Variants in FYN observed in about 807,000 individuals in gnomAD.
FYN encodes the protein tyrosine-protein kinase Fyn.
FYN carries 10 observed loss-of-function variants against 70.2 expected under a neutral mutation model. The ratio of observed to expected loss-of-function variants is 0.14; its 90% confidence interval spans 0.09 to 0.24. The LOEUF is 0.24. Among genes scored for constraint, FYN ranks in the 10% least tolerant of loss-of-function variants. The pLI, the probability that FYN is intolerant of heterozygous loss-of-function variation, is 1.00. For synonymous variants in FYN, 236 were observed against 248.6 expected (o/e 0.95, Z 0.48); for missense variants, 319 against 673.1 (o/e 0.47, Z 5.82).
At chr6:111,773,636 G>GGAGGGAGA (rs1803588916) in intron 3 of FYN, among the ~76,000 whole-genome samples, 1 of 89,488 alleles carries the variant, frequency 1.1e-5, no homozygotes, top group Non-Finnish European at 2.3e-5. Flanking sequence ...AAGGAGAGGG[G>GGAGGGAGA]GAGGGGGAGG....
chr6:111,699,467 T>G, intron 9 of FYN: 2 of 1,581,852 alleles, frequency 1.3e-6, no homozygotes, highest in Non-Finnish European at 1.7e-6. Flanking sequence ...ACCATCCTTT[T>G]AATCGGCTTT....
chr6:111,781,992 G>A (rs944706651), intron 2 of FYN, among the ~76,000 whole-genome samples: 17 of 151,990 alleles, frequency 1.1e-4, no homozygotes, highest in African/African-American at 3.6e-4. Context: ...ATAATATTAG[G>A]AAATGTACGA....
chr6:111,675,546 C>T (rs868746632), intron 12 of FYN, among the ~76,000 whole-genome samples: 8 of 152,228 alleles, frequency 5.3e-5, no homozygotes, highest in Middle Eastern at 3.4e-3. Flanking sequence ...GTAATCCCAG[C>T]ACCTTACAAG....
chr6:111,719,677 G>A, intron 4 of FYN, 128 bp downstream of exon 4: 2 of 1,043,132 alleles, frequency 1.9e-6, no homozygotes, highest in Non-Finnish European at 2.8e-6. Context: ...TCTAGTAGAG[G>A]AGACAGATTA....
At chr6:111,707,045 C>T (rs1800124739) in intron 6 of FYN, among the ~76,000 whole-genome samples, 1 of 152,186 alleles carries the variant, frequency 6.6e-6, no homozygotes, top group Non-Finnish European at 1.5e-5. Context: ...TCTTGCACTA[C>T]TTAAACAAAT....
chr6:111,786,199 T>C (rs1194429604), intron 2 of FYN, among the ~76,000 whole-genome samples: 1 of 152,062 alleles, frequency 6.6e-6, no homozygotes, highest in African/African-American at 2.4e-5. Flanking sequence ...CCCAATGCTA[T>C]CCCTCTCTCC....
chr6:111,825,147 G>A (rs1021456389), intron 2 of FYN, among the ~76,000 whole-genome samples: 2 of 152,150 alleles, frequency 1.3e-5, no homozygotes, highest in African/African-American at 4.8e-5. Flanking sequence ...GGGCAGGGAG[G>A]CCTGGACAGC....
chr6:111,721,779 T>C (rs528024661), intron 3 of FYN, among the ~76,000 whole-genome samples: 2 of 151,898 alleles, frequency 1.3e-5, no homozygotes, highest in East Asian at 1.9e-4. Flanking sequence ...GTGAAGAAGA[T>C]TCAGAAATAC....
rs1799770630 is a variant in FYN, at chr6:111,700,267, C to T, written c.699G>A (p.Glu233=). Residue 233 remains glutamate (E), a splice_region_variant and synonymous_variant, in exon 9 of 14, where the codon GAG becomes GAA. Transcript: ENST00000354650. ...TLQQLVQHYS[E]RAAGLCCRLV... is the part of the protein sequence containing the mutation. The stretch of plus-strand genomic sequence containing the variant: ...GGCGGCAGCAGAGACCTGCAGCTCT[C>T]TCTGATGGAGCAGGGCAGGGGCAGG... 1 of 1,613,928 alleles carries T rather than the reference C, an allele frequency of 6.2e-7. No homozygotes were observed. Among genetic ancestry groups the T allele is most frequent in the South Asian group, 1.1e-5 (1 of 91,074 alleles).
chr6:111,819,753 G>A (rs1772598519), intron 2 of FYN: 1 of 151,974 alleles, frequency 6.6e-6, no homozygotes, highest in African/African-American at 2.4e-5. Context: ...TGGACTGTTA[G>A]TGACCAACTG....
At chr6:111,846,335 C>T (rs1773526754) in intron 2 of FYN, among the ~76,000 whole-genome samples, 2 of 152,248 alleles carry the variant, frequency 1.3e-5, no homozygotes, top group South Asian at 2.1e-4. Context: ...ATAGTCAAAA[C>T]ATATGTTCCC....
rs552645679 is a variant in FYN at position 111,792,774 on chromosome 6, C to T, written c.-81-12139G>A. Among the ~76,000 whole-genome samples the T allele has an allele frequency of 8.5e-5, 13 of 152,266 alleles. No homozygotes were observed. In the South Asian group the frequency reaches 2.7e-3, roughly 32 times the overall value. On this transcript the variant is annotated intron_variant, in intron 2 of 13. Coordinates refer to ENST00000354650, the MANE Select transcript of FYN (RefSeq NM_002037.5). The stretch of plus-strand genomic sequence containing the variant: ...CTTGACCTCTGCCATCTGCTAGGTC[C>T]TCTCCTGCTTCTGGTCAATTTTATT...
chr6:111,717,044 A>G (rs1047908208), intron 4 of FYN, among the ~76,000 whole-genome samples: 6 of 152,118 alleles, frequency 3.9e-5, no homozygotes, highest in Admixed American at 3.9e-4. Flanking sequence ...TCAGCCTCCC[A>G]AAGTGCTGGG....
At chr6:111,729,523 T>G (rs1224607878) in intron 3 of FYN, among the ~76,000 whole-genome samples, 1 of 150,812 alleles carries the variant, frequency 6.6e-6, no homozygotes, top group East Asian at 1.9e-4. Context: ...AACCTGTAAA[T>G]GTGTGCTAAA....
intron 13 of FYN, among the ~76,000 whole-genome samples, chr6:111,672,088 G>A (rs761572307): frequency 1.3e-5 from 2 of 152,240 alleles, no homozygotes; most frequent in Non-Finnish European, 2.9e-5. Context: ...AGGCCCCAAC[G>A]CAGGCTCTCG....
At chr6:111,814,460 A>G (rs1772422821) in intron 2 of FYN, among the ~76,000 whole-genome samples, 1 of 152,216 alleles carries the variant, frequency 6.6e-6, no homozygotes, top group Admixed American at 6.5e-5. Context: ...AGAATAAAGA[A>G]ATAATTAAAG....
chr6:111,719,741 T>C (rs1429986878), intron 4 of FYN, 64 bp downstream of exon 4: 6 of 1,565,022 alleles, frequency 3.8e-6, no homozygotes, highest in African/African-American at 1.4e-5. Context: ...ACCCAGATGT[T>C]CAATTGCCAA....
At chr6:111,757,502 A>T (rs1393036377) in intron 3 of FYN, among the ~76,000 whole-genome samples, 1 of 152,208 alleles carries the variant, frequency 6.6e-6, no homozygotes, top group Non-Finnish European at 1.5e-5. Context: ...AAAGACACAT[A>T]AGCAGGAAGT....
At chr6:111,864,058 T>C (rs918195232) in intron 1 of FYN, among the ~76,000 whole-genome samples, 4 of 152,208 alleles carry the variant, frequency 2.6e-5, no homozygotes, top group Non-Finnish European at 5.9e-5. Context: ...ATATGCATTC[T>C]ATGAGATCTT....
Sources: allele counts gnomAD v4.1 joint callset (sites outside exome capture counted in the v4.1 genomes callset), GRCh38; gene constraint gnomAD v4.1.1; transcripts MANE v1.5; gene names NCBI Gene and HGNC (gene_info 2026-07-23, HGNC 2026-07-21).